PEX5: variants seen among roughly 807,000 people sequenced by gnomAD.
PEX5 encodes the protein PTS1 receptor.
A neutral mutation model predicts 82.9 loss-of-function variants in PEX5; 52 were observed. The observed-to-expected ratio is 0.63, with a 90% CI of 0.50 to 0.79. The LOEUF is 0.79. PEX5 is among the 30% of genes least tolerant of loss of function. PEX5 has a pLI of 0.00. For synonymous variants in PEX5, 300 were observed against 318.8 expected (o/e 0.94, Z 0.63); for missense variants, 719 against 815.2 (o/e 0.88, Z 1.44).
chr12:7,206,517 A>G (rs561466271), intron 10 of PEX5, among the ~76,000 whole-genome samples: 6 of 152,214 alleles, frequency 3.9e-5, no homozygotes, highest in Non-Finnish European at 7.3e-5. Flanking sequence ...TTATGCAGAG[A>G]TGTCCAAAAA....
At chr12:7,213,871 A>T (rs1409636296), downstream of PEX5, among the ~76,000 whole-genome samples, 5 of 151,652 alleles carry the variant, frequency 3.3e-5, no homozygotes, top group Admixed American at 6.6e-5. Flanking sequence ...AACTCAAACA[A>T]ATTTACAAGA....
At chr12:7,196,510 C>T (rs62647640) in intron 5 of PEX5, among the ~76,000 whole-genome samples, 10,144 of 27,732 alleles carry the variant, frequency 0.37, 1,804 homozygotes, top group Middle Eastern at 0.4. Context: ...ATATATGTCA[C>T]ATATAATGTA....
intron 15 of PEX5, 85 bp downstream of exon 15, chr12:7,209,925 C>T: frequency 5.0e-6 from 8 of 1,594,900 alleles, no homozygotes; most frequent in Non-Finnish European, 6.0e-6. Flanking sequence ...TCCTGTTTGA[C>T]TAACCAGCCC....
In PEX5 at chr12:7,210,032, G is replaced by C; in HGVS notation, c.1729G>C (p.Glu577Gln). 1 of 1,614,178 alleles carries C rather than the reference G, an allele frequency of 6.2e-7. No homozygotes were observed. The highest frequency in any genetic ancestry group is 8.5e-7 in the Non-Finnish European group (1 of 1,180,016). ...TCTTCTTCCTTACAGGGAGGCTGTG[G>C]AGCACTTTCTGGAGGCCCTGAACAT... ...INLGAHREAV[E>Q]HFLEALNMQR... Residue 577 changes from glutamate (E) to glutamine (Q), a missense_variant, in exon 16 of 16, where the codon GAG becomes CAG. Glu to Gln is a conservative substitution (Grantham distance 29, BLOSUM62 2). Coordinates refer to ENST00000675855, the MANE Select transcript of PEX5 (RefSeq NM_001351132.2).
At chr12:7,193,462 G>T (rs1447877350) in intron 5 of PEX5, among the ~76,000 whole-genome samples, 1 of 152,052 alleles carries the variant, frequency 6.6e-6, no homozygotes, top group Non-Finnish European at 1.5e-5. Context: ...TTGAACTCCT[G>T]ACCTTAAGTA....
intron 6 of PEX5, among the ~76,000 whole-genome samples, chr12:7,201,099 G>T (rs1033161011): frequency 1.3e-5 from 2 of 151,558 alleles, no homozygotes; most frequent in East Asian, 3.9e-4. Flanking sequence ...GTAAGACCTT[G>T]TCTTTAAAAA....
At chr12:7,197,984 C>T (rs759123218) in intron 5 of PEX5, among the ~76,000 whole-genome samples, 6 of 138,800 alleles carry the variant, frequency 4.3e-5, no homozygotes, top group Admixed American at 3.1e-4. Flanking sequence ...GAAAGAACAC[C>T]GTAGGCTTGT....
intron 8 of PEX5, 37 bp downstream of exon 8, chr12:7,202,388 C>T: frequency 6.2e-7 from 1 of 1,611,506 alleles, no homozygotes; most frequent in East Asian, 2.2e-5. Context: ...ACTTCAGAGC[C>T]AGCTGATGCC....
In PEX5 at chr12:7,210,528, G is replaced by GTAAC; in HGVS notation, c.*307_*310dup. The GTAAC allele has an allele frequency of 2.0e-6, 1 of 493,844 alleles. No homozygotes were observed. Among genetic ancestry groups the GTAAC allele is most frequent in the Non-Finnish European group, 3.7e-6 (1 of 268,766 alleles). 30.6% of individuals were successfully genotyped at this position (493,844 alleles called of 1,614,324 possible). ...TTTGGGTAGGACCCCACGATTTAGG[G>GTAAC]TAACTGTTATCATCAGCTGCCATTT... On this transcript the variant is annotated 3_prime_UTR_variant, in exon 16 of 16. Coordinates refer to ENST00000675855, the MANE Select transcript of PEX5 (RefSeq NM_001351132.2).
chr12:7,202,056 G>A, intron 7 of PEX5, 185 bp from the exon 8 acceptor site: 1 of 921,982 alleles, frequency 1.1e-6, no homozygotes, highest in Non-Finnish European at 1.7e-6. Context: ...TGATGCCTTT[G>A]CAAGTCTTTA....
At chr12:7,213,168 T>G (rs894321441), downstream of PEX5, among the ~76,000 whole-genome samples, 4 of 150,510 alleles carry the variant, frequency 2.7e-5, no homozygotes, top group Admixed American at 2.6e-4. Context: ...AATTTACAGA[T>G]TCAATGCCAT....
chr12:7,208,169 CTTCT>C, intron 12 of PEX5, 89 bp downstream of exon 12: 5 of 996,370 alleles, frequency 5.0e-6, no homozygotes, highest in Non-Finnish European at 3.2e-6. Flanking sequence ...GGATCCTTGT[CTTCT>C]TTCTGAGTGC....
At chr12:7,194,445 ATTAG>A (rs752467642) in intron 5 of PEX5, among the ~76,000 whole-genome samples, 9 of 152,196 alleles carry the variant, frequency 5.9e-5, no homozygotes, top group Non-Finnish European at 1.2e-4. Context: ...CTCAGAGTTT[ATTAG>A]GTTTCACCAG....
intron 5 of PEX5, among the ~76,000 whole-genome samples, chr12:7,193,479 C>T (rs1222356052): frequency 6.6e-6 from 1 of 152,136 alleles, no homozygotes; most frequent in Non-Finnish European, 1.5e-5. Context: ...AGTAATCCAC[C>T]ACAGCCTCCC....
chr12:7,195,233 G>C (rs1941869854), intron 5 of PEX5, among the ~76,000 whole-genome samples: 1 of 152,200 alleles, frequency 6.6e-6, no homozygotes, highest in Non-Finnish European at 1.5e-5. Flanking sequence ...TGCACATTTT[G>C]AGTGGGGTAT....
intron 6 of PEX5, among the ~76,000 whole-genome samples, chr12:7,199,535 C>G (rs778210023): frequency 7.9e-5 from 12 of 151,558 alleles, no homozygotes; most frequent in African/African-American, 2.9e-4. Flanking sequence ...GGTCATAGAT[C>G]AACAGGATCC....
At chr12:7,218,240 T>C (rs1039858077) in intron 17 of PEX5, among the ~76,000 whole-genome samples, 1 of 152,208 alleles carries the variant, frequency 6.6e-6, no homozygotes, top group African/African-American at 2.4e-5. Context: ...TAATGGTCTT[T>C]CTTATATCAA....
chr12:7,194,752 T>A (rs756699152), intron 5 of PEX5, among the ~76,000 whole-genome samples: 2 of 152,320 alleles, frequency 1.3e-5, no homozygotes, highest in Admixed American at 1.3e-4. Flanking sequence ...TCGTGAGAGA[T>A]AAACCTGCAC....
chr12:7,214,232 C>T (rs773479593), downstream of PEX5, among the ~76,000 whole-genome samples: 4 of 152,242 alleles, frequency 2.6e-5, no homozygotes, highest in East Asian at 7.7e-4. Context: ...GGTATATTCC[C>T]AAAGGACTAC....
Sources: allele counts gnomAD v4.1 joint callset (sites outside exome capture counted in the v4.1 genomes callset), GRCh38; gene constraint gnomAD v4.1.1; transcripts MANE v1.5; gene names NCBI Gene and HGNC (gene_info 2026-07-23, HGNC 2026-07-21).